Variants in SIPA1L2 observed in about 807,000 individuals in gnomAD.
SIPA1L2 encodes signal-induced proliferation-associated 1-like protein 2.
Under a neutral mutation model 163.9 loss-of-function variants are expected in SIPA1L2, and 56 were observed. The observed-to-expected ratio is 0.34, with a 90% CI of 0.28 to 0.43. The LOEUF is 0.43. SIPA1L2 is among the 20% of genes least tolerant of loss of function. The probability of loss-of-function intolerance (pLI) is 1.00; values close to 1 mark genes in which losing one functional copy is unlikely to be tolerated. For synonymous variants in SIPA1L2, 877 were observed against 865.7 expected (o/e 1.01, Z -0.23); for missense variants, 1,974 against 2,193.5 (o/e 0.90, Z 2.00).
chr1:232,435,265 C>T (rs998362796), intron 15 of SIPA1L2, among the ~76,000 whole-genome samples: 5 of 152,098 alleles, frequency 3.3e-5, no homozygotes, highest in Non-Finnish European at 5.9e-5. Flanking sequence ...TGTATTTTTC[C>T]ATTTGTTTTA....
chr1:232,626,562 A>G (rs555235723), intron 1 of SIPA1L2, among the ~76,000 whole-genome samples: 1 of 152,300 alleles, frequency 6.6e-6, no homozygotes, highest in South Asian at 2.1e-4. Flanking sequence ...TCTATGTCTA[A>G]AGTTGGGAAG....
intron 4 of SIPA1L2, among the ~76,000 whole-genome samples, chr1:232,491,669 C>T (rs1000846314): frequency 5.3e-5 from 8 of 152,090 alleles, no homozygotes; most frequent in African/African-American, 7.2e-5. Context: ...ATTTGGAGCA[C>T]GTGCCTAAGA....
At chr1:232,492,073 A>G (rs1294281188) in intron 4 of SIPA1L2, among the ~76,000 whole-genome samples, 3 of 152,214 alleles carry the variant, frequency 2.0e-5, no homozygotes, top group Non-Finnish European at 2.9e-5. Flanking sequence ...GCATAGGTCT[A>G]TAACTTAAAA....
At chr1:232,480,137 ATC>A (rs1251965864) in intron 6 of SIPA1L2, among the ~76,000 whole-genome samples, 1 of 138,902 alleles carries the variant, frequency 7.2e-6, no homozygotes, top group East Asian at 2.0e-4. Context: ...GCCTGGCCGC[ATC>A]TGTGTGTGTG....
At chr1:232,577,436 T>C (rs964311130) in intron 1 of SIPA1L2, among the ~76,000 whole-genome samples, 12 of 152,232 alleles carry the variant, frequency 7.9e-5, no homozygotes, top group African/African-American at 2.4e-4. Flanking sequence ...CCGCAGCCCA[T>C]GGATTAAAAA....
intron 3 of SIPA1L2, among the ~76,000 whole-genome samples, chr1:232,503,364 G>A (rs1666574340): frequency 6.6e-6 from 1 of 152,170 alleles, no homozygotes; most frequent in Admixed American, 6.5e-5. Context: ...GGGCAGGGGT[G>A]GTACATTGGA....
At chr1:232,487,439 T>C (rs949747238) in intron 5 of SIPA1L2, among the ~76,000 whole-genome samples, 5 of 152,136 alleles carry the variant, frequency 3.3e-5, no homozygotes, top group Non-Finnish European at 1.5e-5. Context: ...AGTAAACATA[T>C]ATATCTGGGG....
rs145440152 is a variant in SIPA1L2 at position 232,621,099 on chromosome 1, A to G, written c.-319+8770T>C. On this transcript the variant is annotated intron_variant, in intron 1 of 22. Coordinates refer to ENST00000674635, the MANE Select transcript of SIPA1L2 (RefSeq NM_020808.5). The stretch of plus-strand genomic sequence containing the variant: ...CTTGGCAAAGACTCGGGCTAAAAAA[A>G]ATGTTCTCTGCATGATCACAGAAGG... Among the ~76,000 whole-genome samples, 374 of 152,374 alleles carry G rather than the reference A, an allele frequency of 2.5e-3. 4 individuals are homozygous for G. Among genetic ancestry groups the G allele is most frequent in the African/African-American group, 8.7e-3 (363 of 41,596 alleles).
intron 2 of SIPA1L2, among the ~76,000 whole-genome samples, chr1:232,524,589 A>G (rs894507964): frequency 1.3e-5 from 2 of 152,214 alleles, no homozygotes; most frequent in Admixed American, 6.5e-5. Flanking sequence ...CCAAAACTAC[A>G]AGAATGAAAA....
intron 19 of SIPA1L2, among the ~76,000 whole-genome samples, chr1:232,412,067 A>C (rs900571208): frequency 1.3e-5 from 2 of 152,222 alleles, no homozygotes; most frequent in Admixed American, 6.5e-5. Flanking sequence ...TAAACATTTA[A>C]GTAGTCATGA....
chr1:232,404,318 G>A, intron 19 of SIPA1L2, 140 bp from the exon 20 acceptor site: 1 of 679,796 alleles, frequency 1.5e-6, no homozygotes, highest in Admixed American at 2.4e-5. Context: ...CCAGTATCAT[G>A]TAACTCCAAT....
intron 8 of SIPA1L2, among the ~76,000 whole-genome samples, chr1:232,466,604 C>T (rs1213375803): frequency 2.6e-5 from 4 of 152,094 alleles, no homozygotes; most frequent in Non-Finnish European, 2.9e-5. Context: ...TCCTAGCTAG[C>T]ACGGTGAAAC....
chr1:232,445,518 A>G lies in SIPA1L2; in HGVS notation c.3353+11T>C. ...CAAGGGCCCCCCTTGAGGAAACGGAACCAGCATTACCTCGTGCCATCGGGC... is the reference window on the plus strand; with the variant it reads ...CAAGGGCCCCCCTTGAGGAAACGGAGCCAGCATTACCTCGTGCCATCGGGC... On this transcript the variant is annotated intron_variant, in intron 11 of 22. Coordinates refer to ENST00000674635, the MANE Select transcript of SIPA1L2 (RefSeq NM_020808.5). 1 of 1,613,360 alleles carries G rather than the reference A, an allele frequency of 6.2e-7. No individual in the cohort carries two copies. The highest frequency in any genetic ancestry group is 8.5e-7 in the Non-Finnish European group (1 of 1,179,766).
chr1:232,585,178 T>C (rs1200412407), intron 1 of SIPA1L2, among the ~76,000 whole-genome samples: 1 of 152,226 alleles, frequency 6.6e-6, no homozygotes, highest in Non-Finnish European at 1.5e-5. Flanking sequence ...GTGAATAATC[T>C]TTACCTATCC....
chr1:232,432,362 C>T lies in SIPA1L2; in HGVS notation c.4141G>A (p.Gly1381Arg), dbSNP rs775806931. Residue 1381 changes from glycine (G) to arginine (R), a missense_variant, in exon 16 of 23, where the codon GGG (glycine) becomes AGG (arginine). Coordinates refer to ENST00000674635, the MANE Select transcript of SIPA1L2 (RefSeq NM_020808.5). The stretch of plus-strand genomic sequence containing the variant: ...CTGTGGTAGGGCTTGGACATGGACC[C>T]GGGAACCTGTTGTCCGCTGCTGTGA... ...VSHSSGQQVP[G>R]SMSKPYHRQG... 6.3e-5 allele frequency: 102 copies of T among 1,614,056 alleles called. No individual in the cohort carries two copies. The highest frequency in any genetic ancestry group is 7.7e-5 in the Non-Finnish European group (91 of 1,180,046).
chr1:232,629,516 C>T (rs1043473436), intron 1 of SIPA1L2, among the ~76,000 whole-genome samples: 2 of 152,238 alleles, frequency 1.3e-5, no homozygotes, highest in African/African-American at 4.8e-5. Flanking sequence ...CAACCGCGAG[C>T]CCTTCCAGAG....
In SIPA1L2 at chr1:232,589,405, A is replaced by T. The variant is rs79909366; in HGVS notation, c.-318-15183T>A. ...TCCCAAATCCACTAACATTCACTAC[A>T]TTGTCTTTTGCCACCATTGGCTGAG... On this transcript the variant is annotated intron_variant, in intron 1 of 22. Coordinates refer to ENST00000674635, the MANE Select transcript of SIPA1L2 (RefSeq NM_020808.5). Among the ~76,000 whole-genome samples, 6 of 152,260 alleles carry T rather than the reference A, an allele frequency of 3.9e-5. No individual in the cohort carries two copies. The East Asian group carries it at 1.2e-3, about 29-fold the overall frequency.
chr1:232,422,840 T>C (rs904676920), intron 18 of SIPA1L2, among the ~76,000 whole-genome samples: 9 of 152,224 alleles, frequency 5.9e-5, no homozygotes, highest in African/African-American at 1.9e-4. Flanking sequence ...TTTGGGCTGC[T>C]CTAGTTTTTG....
Position 232,465,173 on chromosome 1 carries a change from G to A in SIPA1L2, c.2487C>T (p.Ser829=), listed in dbSNP as rs754629424. The change falls in exon 9 of 23, where the codon AGC becomes AGT. Residue 829 remains serine (S), a synonymous_variant. Transcript: ENST00000674635. The surrounding 1 kb of genome is among the most constrained non-coding windows in gnomAD (Gnocchi z 4.1). Reference sequence around the variant, plus strand: ...TTTTCTTCGCACCCAGCGTAATGAAGCTGAACTTCACAGAGGTATCCACGG... The same window carrying A: ...TTTTCTTCGCACCCAGCGTAATGAAACTGAACTTCACAGAGGTATCCACGG... The part of the protein sequence containing the change: ...TATVDTSVKF[S]FITLGAKKKE... The A allele has an allele frequency of 1.5e-5, 24 of 1,614,072 alleles. No individual in the cohort carries two copies. The highest frequency in any genetic ancestry group is 1.9e-5 in the Non-Finnish European group (22 of 1,180,052).
Sources: gnomAD v4.1 joint callset for allele counts (sites outside exome capture counted in the v4.1 genomes callset) on GRCh38, gnomAD v4.1.1 for gene constraint, Gnocchi (gnomAD v3.1) non-coding constraint, MANE v1.5 for transcripts, NCBI Gene and HGNC (gene_info 2026-07-23, HGNC 2026-07-21) for gene names.